Variants in ARFGAP3 observed in about 807,000 individuals in gnomAD.
The protein encoded by ARFGAP3 is ARF GTPase activating protein 3.
In ARFGAP3, 72 loss-of-function variants were observed where a neutral mutation model predicts 75.0. The ratio of observed to expected loss-of-function variants is 0.96; its 90% CI spans 0.79 to 1.17. The LOEUF is 1.17. Ranked by LOEUF, ARFGAP3 falls within the 50% of genes most tolerant of loss-of-function variation. The pLI is 0.00. For synonymous variants in ARFGAP3, 221 were observed against 217.9 expected, an observed-to-expected ratio of 1.01 and a Z score of -0.13; for missense variants, 620 against 626.6, an observed-to-expected ratio of 0.99 and a Z score of 0.11.
chr22:42,854,162 C>T (rs1927398559), intron 1 of ARFGAP3, among the ~76,000 whole-genome samples: 2 of 152,212 alleles, frequency 1.3e-5, no homozygotes, highest in Admixed American at 6.5e-5. Flanking sequence ...GTCCACTAGA[C>T]TATAAGTTCC....
chr22:42,797,827 G>A (rs1165487313), intron 15 of ARFGAP3: 9 of 808,722 alleles, frequency 1.1e-5, no homozygotes, highest in Non-Finnish European at 1.3e-5. Context: ...TTCACATCCT[G>A]CCTCTGGCAT....
Position 42,835,351 on chromosome 22 carries a change from C to T in ARFGAP3, c.393+11G>A. ...TATCTAAAGGAAACAATCCAGCCTC[C>T]AGTGACTTACATCAGTGCCATGCTT... On this transcript the variant is annotated intron_variant, in intron 4 of 15. Transcript: ENST00000263245. The T allele has an allele frequency of 6.2e-7, 1 of 1,612,842 alleles. No homozygotes were observed. Among genetic ancestry groups the T allele is most frequent in the Non-Finnish European group, 8.5e-7 (1 of 1,179,516 alleles).
intron 11 of ARFGAP3, among the ~76,000 whole-genome samples, chr22:42,815,412 C>CTT (rs1291554913): frequency 3.7e-5 from 5 of 136,538 alleles, no homozygotes; most frequent in South Asian, 2.4e-4. Context: ...TAAACTACTA[C>CTT]TTTTTTTTTT....
At chr22:42,814,992 C>G (rs1223389102) in intron 11 of ARFGAP3, among the ~76,000 whole-genome samples, 1 of 152,210 alleles carries the variant, frequency 6.6e-6, no homozygotes, top group African/African-American at 2.4e-5. Flanking sequence ...CCTGCCTTGG[C>G]TTCCCAAAGT....
chr22:42,844,781 G>C (rs1366686612), intron 2 of ARFGAP3, among the ~76,000 whole-genome samples: 6 of 152,074 alleles, frequency 3.9e-5, no homozygotes, highest in African/African-American at 1.4e-4. Flanking sequence ...ACAATACTGA[G>C]TACTTTCTCA....
intron 1 of ARFGAP3, among the ~76,000 whole-genome samples, chr22:42,850,973 G>A (rs1029852092): frequency 7.2e-5 from 11 of 152,314 alleles, no homozygotes; most frequent in African/African-American, 2.2e-4. Flanking sequence ...AAATTCAAAC[G>A]CCCTGTGGTG....
chr22:42,841,151 C>T, intron 2 of ARFGAP3, 135 bp from the exon 3 acceptor site: 3 of 1,449,822 alleles, frequency 2.1e-6, no homozygotes, highest in Non-Finnish European at 2.7e-6. Flanking sequence ...AGGACCCACA[C>T]TTTTGGGATG....
intron 8 of ARFGAP3, 137 bp downstream of exon 8, chr22:42,823,519 A>C (rs1223377335): frequency 1.7e-6 from 1 of 576,546 alleles, no homozygotes; most frequent in East Asian, 3.4e-5. Flanking sequence ...ATCTCTTTGA[A>C]CAAAACATAG....
rs1156414879 is a variant in ARFGAP3, at chr22:42,844,522, T to G, written c.188+2992A>C. Among the ~76,000 whole-genome samples, 4 of 151,092 alleles carry G rather than the reference T, an allele frequency of 2.6e-5. No homozygotes were observed. In the South Asian group the frequency reaches 6.3e-4, roughly 24 times the overall value. ...ATTGCTTGAACCCGGGAGGCGGAGG[T>G]TGCAGTGAGCTGAGATCATGCCATT... On this transcript the variant is annotated intron_variant, in intron 2 of 15. Coordinates refer to ENST00000263245, the MANE Select transcript of ARFGAP3 (RefSeq NM_014570.5).
chr22:42,843,104 C>T (rs895689442), intron 2 of ARFGAP3, among the ~76,000 whole-genome samples: 1 of 152,020 alleles, frequency 6.6e-6, no homozygotes, highest in African/African-American at 2.4e-5. Flanking sequence ...ACCACATCCC[C>T]GCTCCTGCAT....
chr22:42,848,217 A>G (rs1324357396), intron 1 of ARFGAP3, among the ~76,000 whole-genome samples: 2 of 148,354 alleles, frequency 1.3e-5, no homozygotes, highest in Non-Finnish European at 3.0e-5. Context: ...ATATTTATCT[A>G]TTTATTTTTG....
In ARFGAP3 at chr22:42,810,670, C is replaced by T. The variant is rs532714863; in HGVS notation, c.1196+143G>A. ...CTGGGCTCAAGTGATCCTTTGACCT[C>T]GGCCTCTTAAAGTGCTGGGATTATG... On this transcript the variant is annotated intron_variant, in intron 12 of 15. Transcript: ENST00000263245. 2.0e-4 allele frequency: 143 copies of T among 708,546 alleles called. 1 individual carries two copies. Among genetic ancestry groups the T allele is most frequent in the African/African-American group, 1.6e-3 (89 of 56,540 alleles). The allele number at this position is 708,546 out of a possible 1,614,324, so 43.9% of individuals were successfully genotyped here. A position where few individuals can be genotyped will look rare whatever the true frequency, so the allele number is the denominator to read the frequency against.
chr22:42,814,563 C>A (rs1338928337), intron 11 of ARFGAP3, among the ~76,000 whole-genome samples: 6 of 152,146 alleles, frequency 3.9e-5, no homozygotes, highest in Non-Finnish European at 1.5e-5. Context: ...TTTGATTAAG[C>A]CTTTGAAGAA....
intron 8 of ARFGAP3, among the ~76,000 whole-genome samples, chr22:42,822,701 A>G (rs1221932225): frequency 1.3e-5 from 2 of 152,222 alleles, no homozygotes; most frequent in South Asian, 2.1e-4. Flanking sequence ...TATACTTTCA[A>G]TCATCTCTAG....
intron 2 of ARFGAP3, among the ~76,000 whole-genome samples, chr22:42,843,869 T>C (rs927118045): frequency 2.6e-5 from 4 of 152,370 alleles, no homozygotes; most frequent in African/African-American, 7.2e-5. Context: ...CAGTTCAATC[T>C]GGTCCACTCT....
At chr22:42,850,720 G>A (rs1432225849) in intron 1 of ARFGAP3, among the ~76,000 whole-genome samples, 2 of 152,096 alleles carry the variant, frequency 1.3e-5, no homozygotes, top group African/African-American at 4.8e-5. Flanking sequence ...AACACGAGTG[G>A]GTTTTCTAAA....
intron 14 of ARFGAP3, among the ~76,000 whole-genome samples, chr22:42,804,792 A>T: frequency 6.6e-6 from 1 of 152,176 alleles, no homozygotes; most frequent in East Asian, 1.9e-4. Context: ...TTGGGATTAC[A>T]GGTGTGAGTC....
At chr22:42,809,063 G>T in intron 12 of ARFGAP3, 173 bp from the exon 13 acceptor site, 1 of 482,870 alleles carries the variant, frequency 2.1e-6, no homozygotes, top group Non-Finnish European at 2.7e-6. Context: ...ATACCCAAAC[G>T]ATACAAAATT....
In ARFGAP3 at chr22:42,843,940, C is replaced by G. The variant is rs150287499; in HGVS notation, c.189-2924G>C. On this transcript the variant is annotated intron_variant, in intron 2 of 15. Coordinates refer to ENST00000263245, the MANE Select transcript of ARFGAP3 (RefSeq NM_014570.5). ...CATATACTCTTAATCTGCCTTCCCC[C>G]CTTTGCTTGGCAAAAGCCATAACTT... is the stretch of plus-strand genomic sequence containing the variant. Among the ~76,000 whole-genome samples, 28 of 152,290 alleles carry G rather than the reference C, an allele frequency of 1.8e-4. No homozygotes were observed. In the East Asian group the frequency reaches 3.5e-3, roughly 19 times the overall value.
Sources: allele counts gnomAD v4.1 joint callset (sites outside exome capture counted in the v4.1 genomes callset), GRCh38; gene constraint gnomAD v4.1.1; transcripts MANE v1.5; gene names NCBI Gene and HGNC (gene_info 2026-07-23, HGNC 2026-07-21).